ZNF692: variants seen among roughly 807,000 people sequenced by gnomAD.
ZNF692 encodes the protein zinc finger protein 692, also known as AICAR responsive element binding protein.
Under a neutral mutation model 49.0 loss-of-function variants are expected in ZNF692, and 41 were observed. The ratio of observed to expected loss-of-function variants is 0.84; its 90% CI spans 0.65 to 1.08. The LOEUF (loss-of-function observed/expected upper bound fraction) is 1.08. ZNF692 is among the 50% of genes least tolerant of loss of function. The pLI is 0.00. For synonymous variants in ZNF692, 288 were observed against 251.5 expected (o/e 1.15, Z -1.37); for missense variants, 662 against 662.2 (o/e 1.00, Z 0.00).
chr1:248,850,079 C>T lies in ZNF692; in HGVS notation c.*131G>A, dbSNP rs1052512493. ...CCAGCTCCCCTACAGCCCAGTCTTGCCCCCACCCTGCACTCTGTCGCCTTA... is the reference window on the plus strand; with the variant it reads ...CCAGCTCCCCTACAGCCCAGTCTTGTCCCCACCCTGCACTCTGTCGCCTTA... On this transcript the variant is annotated 3_prime_UTR_variant, in exon 12 of 12. Coordinates refer to ENST00000306601, the MANE Select transcript of ZNF692 (RefSeq NM_017865.4). 12 of 1,022,216 alleles carry T rather than the reference C, an allele frequency of 1.2e-5. No individual in the cohort carries two copies. The highest frequency in any genetic ancestry group is 1.2e-4 in the South Asian group (6 of 51,620). 63.3% of individuals were successfully genotyped at this position (1,022,216 alleles called of 1,614,324 possible).
At chr1:248,856,173 A>T in intron 6 of ZNF692, 115 bp downstream of exon 6, 12 of 1,440,146 alleles carry the variant, frequency 8.3e-6, no homozygotes, top group African/African-American at 1.4e-5. Flanking sequence ...CTTCCCCAAA[A>T]CCCACCCTTC....
chr1:248,857,381 G>GC lies in ZNF692; in HGVS notation c.327dup (p.Leu110AlafsTer54). The GC allele has an allele frequency of 1.2e-6, 2 of 1,614,142 alleles. No homozygotes were observed. Among genetic ancestry groups the GC allele is most frequent in the South Asian group, 2.2e-5 (2 of 91,078 alleles). On this transcript the variant is annotated frameshift_variant, in exon 4 of 12. Transcript: ENST00000306601. LOFTEE classifies it high-confidence loss of function. ...TGGCCTGCTGAGCACTCCCACACAA[G>GC]CCCCCCATCTTGGCCGCCAGGCCCC...
In ZNF692 at chr1:248,858,737, C is replaced by T; in HGVS notation, c.-13+181G>A. 1 of 659,310 alleles carries T rather than the reference C, an allele frequency of 1.5e-6. No individual in the cohort carries two copies. The allele number at this position is 659,310 out of a possible 1,614,324, so 40.8% of individuals were successfully genotyped here. ...GTGTCCTGGCGTGCAGCTGGGGGCGCTCTTCATAGTTGGGTCGAGTGGCGG... is the reference window on the plus strand; with the variant it reads ...GTGTCCTGGCGTGCAGCTGGGGGCGTTCTTCATAGTTGGGTCGAGTGGCGG... On this transcript the variant is annotated intron_variant, in intron 1 of 11. Transcript: ENST00000306601. This position sits in a 1 kb window ranked among gnomAD's most constrained non-coding sequence, Gnocchi z 4.3.
Position 248,857,398 on chromosome 1 carries a change from C to T in ZNF692, c.311G>A (p.Gly104Asp), listed in dbSNP as rs567920137. 6.2e-7 allele frequency: 1 copy of T among 1,614,168 alleles called. No homozygotes were observed. The highest frequency in any genetic ancestry group is 8.5e-7 in the Non-Finnish European group (1 of 1,180,032). ...CCACACAAGCCCCCCATCTTGGCCG[C>T]CAGGCCCCCGAAGCCCGGGCACCAG... ...CSLVPGLRGPGGQDGGLVWEC... is the reference protein window; with the variant it reads ...CSLVPGLRGPDGQDGGLVWEC... Residue 104 changes from glycine (G) to aspartate (D), a missense_variant, in exon 4 of 12, where the codon GGC (glycine) becomes GAC (aspartate). By Grantham distance (94) the Gly-to-Asp change is moderately conservative (BLOSUM62 -1). Coordinates refer to ENST00000306601, the MANE Select transcript of ZNF692 (RefSeq NM_017865.4).
chr1:248,858,110 G>C lies in ZNF692; in HGVS notation c.179+21C>G, dbSNP rs1273385870. 1 of 1,557,624 alleles carries C rather than the reference G, an allele frequency of 6.4e-7. No homozygotes were observed. Among genetic ancestry groups the C allele is most frequent in the Non-Finnish European group, 8.7e-7 (1 of 1,155,108 alleles). ...CTGCTGCCTGGGTACCCTCCCCCAA[G>C]CCCTTCTCCCGGCCCCTAACCGGTC... On this transcript the variant is annotated intron_variant, in intron 2 of 11. Coordinates refer to ENST00000306601, the MANE Select transcript of ZNF692 (RefSeq NM_017865.4). The surrounding 1 kb of genome is among the most constrained non-coding windows in gnomAD (Gnocchi z 4.3).
In ZNF692 at chr1:248,850,436, G is replaced by T; in HGVS notation, c.1334C>A (p.Ala445Asp). 1 of 1,614,024 alleles carries T rather than the reference G, an allele frequency of 6.2e-7. No individual in the cohort carries two copies. The highest frequency in any genetic ancestry group is 8.5e-7 in the Non-Finnish European group (1 of 1,179,996). ...GCAGAATTCACAGGGGAAGCGCAAG[G>T]CAGCCACCGTCTCTGCATGCTTGCG... ...HQRKHAETVA[A>D]LRFPCEFCGK... The change falls in exon 12 of 12, where the codon GCC becomes GAC. Residue 445 changes from alanine (A) to aspartate (D), a missense_variant. Ala to Asp is a moderately radical substitution (Grantham distance 126, BLOSUM62 -2). Transcript: ENST00000306601.
rs753468122 is a variant in ZNF692, at chr1:248,858,054, G to C, written c.179+77C>G. ...AGAAACCTGAGGGTGGAAAAGAGCA[G>C]CAGGACAGGCCCTGGAGAGGAGGCT... On this transcript the variant is annotated intron_variant, in intron 2 of 11. Transcript: ENST00000306601. The surrounding 1 kb of genome is among the most constrained non-coding windows in gnomAD (Gnocchi z 4.3). The C allele has an allele frequency of 6.4e-7, 1 of 1,552,076 alleles. No individual in the cohort carries two copies. Among genetic ancestry groups the C allele is most frequent in the South Asian group, 1.2e-5 (1 of 85,824 alleles).
Position 248,850,032 on chromosome 1 carries a change from C to A in ZNF692, c.*178G>T, listed in dbSNP as rs939734270. Reference sequence around the variant, plus strand: ...CTGCATAAAATACTGTTTATTTTGTCCTTTAGGAAGACTAAAGTAGTCCAG... The same window carrying A: ...CTGCATAAAATACTGTTTATTTTGTACTTTAGGAAGACTAAAGTAGTCCAG... On this transcript the variant is annotated 3_prime_UTR_variant, in exon 12 of 12. Coordinates refer to ENST00000306601, the MANE Select transcript of ZNF692 (RefSeq NM_017865.4). 3 of 591,992 alleles carry A rather than the reference C, an allele frequency of 5.1e-6. No homozygotes were observed. Among genetic ancestry groups the A allele is most frequent in the Admixed American group, 3.6e-5 (1 of 27,490 alleles). 36.7% of individuals were successfully genotyped at this position (591,992 alleles called of 1,614,324 possible).
intron 10 of ZNF692, chr1:248,851,011 C>T: frequency 3.0e-6 from 2 of 666,828 alleles, no homozygotes; most frequent in South Asian, 1.5e-5. Context: ...ATTGTCCACC[C>T]CAGCCCCTGC....
chr1:248,850,625 C>T (rs1414032700), intron 11 of ZNF692, 57 bp downstream of exon 11: 1 of 1,607,922 alleles, frequency 6.2e-7, no homozygotes, highest in East Asian at 2.2e-5. Flanking sequence ...GCCTAGCTTC[C>T]AGACTCCACC....
chr1:248,851,351 C>T (rs908675234), intron 10 of ZNF692, among the ~76,000 whole-genome samples: 10 of 152,098 alleles, frequency 6.6e-5, no homozygotes, highest in Admixed American at 3.9e-4. Flanking sequence ...TTTCCCTGAG[C>T]CTGCACTCCC....
intron 10 of ZNF692, 98 bp downstream of exon 10, chr1:248,853,839 T>G: frequency 1.2e-6 from 1 of 856,948 alleles, no homozygotes; most frequent in Non-Finnish European, 1.9e-6. Flanking sequence ...CAGGACCCCG[T>G]AGAGGGGGAG....
rs1659456095 is a variant in ZNF692, at chr1:248,850,662, G to A, written c.1253+20C>T. On this transcript the variant is annotated intron_variant, in intron 11 of 11. Transcript: ENST00000306601. ...CCTCCCTTCTAGCCCCTGGCCCTCA[G>A]ACCCCACCCCAGCACTCACTGCAGG... The A allele has an allele frequency of 6.2e-7, 1 of 1,613,652 alleles. No homozygotes were observed. Among genetic ancestry groups the A allele is most frequent in the Non-Finnish European group, 8.5e-7 (1 of 1,179,640 alleles).
rs1340411967 is a variant in ZNF692 at position 248,853,111 on chromosome 1, C to G, written c.1153+826G>C. Among the ~76,000 whole-genome samples, 3 of 152,200 alleles carry G rather than the reference C, an allele frequency of 2.0e-5. No individual in the cohort carries two copies. The South Asian group carries it at 6.2e-4, about 32-fold the overall frequency. ...CCAAGTTACCCAACTCCTCCCTTCC[C>G]ACTCGACTGCAGCCAACCCATCCTT... On this transcript the variant is annotated intron_variant, in intron 10 of 11. Coordinates refer to ENST00000306601, the MANE Select transcript of ZNF692 (RefSeq NM_017865.4).
rs1449308422 is a variant in ZNF692 at position 248,850,156 on chromosome 1, G to A, written c.*54C>T. 6.7e-7 allele frequency: 1 copy of A among 1,499,662 alleles called. No homozygotes were observed. Among genetic ancestry groups the A allele is most frequent in the Non-Finnish European group, 8.9e-7 (1 of 1,122,928 alleles). 92.9% of individuals were successfully genotyped at this position (1,499,662 alleles called of 1,614,324 possible). On this transcript the variant is annotated 3_prime_UTR_variant, in exon 12 of 12. Transcript: ENST00000306601. The stretch of plus-strand genomic sequence containing the variant: ...TTCTCAAGCAGACCCTCTCCTTGTT[G>A]CTCCTTTTCAGTCCCTGGAGTCTGG...
chr1:248,856,656 CT>C (rs946678540), intron 4 of ZNF692, 94 bp from the exon 5 acceptor site: 4,721 of 1,282,636 alleles, frequency 3.7e-3, no homozygotes, highest in Non-Finnish European at 4.1e-3. Flanking sequence ...GGAGACTCCT[CT>C]TTTTTTTTTA....
Position 248,856,503 on chromosome 1 carries a change from C to T in ZNF692, c.524+11G>A, listed in dbSNP as rs931303244. 5.0e-6 allele frequency: 8 copies of T among 1,614,126 alleles called. No individual in the cohort carries two copies. The highest frequency in any genetic ancestry group is 1.3e-5 in the African/African-American group (1 of 74,942). Reference sequence around the variant, plus strand: ...GCAATTCCGCCTTTTCTCTCCTATCCACATCCTCACCTGGGCAACCTGGCC... The same window carrying T: ...GCAATTCCGCCTTTTCTCTCCTATCTACATCCTCACCTGGGCAACCTGGCC... On this transcript the variant is annotated intron_variant, in intron 5 of 11. Transcript: ENST00000306601.
intron 10 of ZNF692, 126 bp from the exon 11 acceptor site, chr1:248,850,907 G>A (rs1320735493): frequency 2.4e-6 from 2 of 847,052 alleles, no homozygotes; most frequent in Non-Finnish European, 2.0e-6. Flanking sequence ...GTTCTAATTA[G>A]TTGTTATCCA....
rs1043762645 is a variant in ZNF692 at position 248,858,814 on chromosome 1, G to T, written c.-13+104C>A. 2.3e-5 allele frequency: 13 copies of T among 567,822 alleles called. No individual in the cohort carries two copies. Among genetic ancestry groups the T allele is most frequent in the Admixed American group, 6.0e-5 (2 of 33,156 alleles). The allele number at this position is 567,822 out of a possible 1,614,324, so 35.2% of individuals were successfully genotyped here. Reference sequence around the variant, plus strand: ...GCGCCCCCCATCCACCCCGTCTTGGGCACCCCCACTTAATGCTGACAGTGA... The same window carrying T: ...GCGCCCCCCATCCACCCCGTCTTGGTCACCCCCACTTAATGCTGACAGTGA... On this transcript the variant is annotated intron_variant, in intron 1 of 11. Coordinates refer to ENST00000306601, the MANE Select transcript of ZNF692 (RefSeq NM_017865.4). This position sits in a 1 kb window ranked among gnomAD's most constrained non-coding sequence, Gnocchi z 4.3.
Sources: allele counts gnomAD v4.1 joint callset (sites outside exome capture counted in the v4.1 genomes callset), GRCh38; gene constraint gnomAD v4.1.1; non-coding constraint Gnocchi (gnomAD v3.1); transcripts MANE v1.5; gene names NCBI Gene and HGNC (gene_info 2026-07-23, HGNC 2026-07-21).